BIRC6: variants seen among roughly 807,000 people sequenced by gnomAD.
BIRC6 encodes the protein baculoviral IAP repeat containing 6.
A neutral mutation model predicts 503.3 loss-of-function variants in BIRC6; 98 were observed. That is an observed-to-expected ratio of 0.19 (90% CI 0.17 to 0.23). The LOEUF is 0.23. Ranked by LOEUF, BIRC6 falls within the 10% of genes least tolerant of loss-of-function variation. The pLI is 1.00. For synonymous variants in BIRC6, 2,240 were observed against 2,078.7 expected, an observed-to-expected ratio of 1.08 and a Z score of -2.11; for missense variants, 5,360 against 5,806.0, an observed-to-expected ratio of 0.92 and a Z score of 2.50.
At chr2:32,492,207 A>G (rs1462230198) in intron 44 of BIRC6, among the ~76,000 whole-genome samples, 2 of 152,032 alleles carry the variant, frequency 1.3e-5, no homozygotes, top group Non-Finnish European at 2.9e-5. Flanking sequence ...GATAAATTCT[A>G]ATTTAGTTGT....
intron 10 of BIRC6, among the ~76,000 whole-genome samples, chr2:32,422,757 T>G (rs1394981947): frequency 1.3e-5 from 2 of 152,194 alleles, no homozygotes; most frequent in Non-Finnish European, 2.9e-5. Context: ...GTTTTAAGAT[T>G]ACCCATTTTG....
At chr2:32,600,969 G>A (rs534226043) in intron 70 of BIRC6, among the ~76,000 whole-genome samples, 1 of 152,190 alleles carries the variant, frequency 6.6e-6, no homozygotes, top group Middle Eastern at 3.4e-3. Context: ...ACAAAAATTC[G>A]CTAACACAAA....
At position 32,380,140 on chromosome 2, in the gene BIRC6, A is replaced by G; in HGVS notation, c.508-13A>G. ...ATTTTCTGTGATTTTTTTATTTTTT[A>G]TTTTTTATTTAGGCACAGCAGCTCT... is the stretch of plus-strand genomic sequence containing the variant. On this transcript the variant is annotated splice_polypyrimidine_tract_variant and intron_variant, in intron 2 of 73. Coordinates refer to ENST00000421745, the MANE Select transcript of BIRC6 (RefSeq NM_016252.4). 7 of 1,469,310 alleles carry G rather than the reference A, an allele frequency of 4.8e-6. No homozygotes were observed. Among genetic ancestry groups the G allele is most frequent in the Non-Finnish European group, 6.3e-6 (7 of 1,110,924 alleles). 91.0% of individuals were successfully genotyped at this position (1,469,310 alleles called of 1,614,324 possible).
intron 22 of BIRC6, among the ~76,000 whole-genome samples, chr2:32,452,762 A>C (rs1012501760): frequency 7.2e-5 from 11 of 152,132 alleles, no homozygotes; most frequent in African/African-American, 2.7e-4. Context: ...GCTTAAAAAA[A>C]AGTTGCGTTA....
At chr2:32,464,435 T>G in intron 24 of BIRC6, 74 bp from the exon 25 acceptor site, 2 of 1,413,644 alleles carry the variant, frequency 1.4e-6, no homozygotes, top group Non-Finnish European at 1.9e-6. Context: ...TCATAATATA[T>G]GTCCATGTGG....
At chr2:32,559,469 T>A (rs2059006224) in intron 65 of BIRC6, among the ~76,000 whole-genome samples, 1 of 151,980 alleles carries the variant, frequency 6.6e-6, no homozygotes, top group Non-Finnish European at 1.5e-5. Context: ...CATCTAAGGG[T>A]TTTCTGATGA....
At chr2:32,484,404 AT>A in intron 39 of BIRC6, among the ~76,000 whole-genome samples, 1 of 152,162 alleles carries the variant, frequency 6.6e-6, no homozygotes, top group South Asian at 2.1e-4. Flanking sequence ...ATATAAAAAA[AT>A]TAGCCAGACA....
chr2:32,469,977 A>G (rs183145326), intron 30 of BIRC6, among the ~76,000 whole-genome samples, 191 bp from the exon 31 acceptor site: 8 of 152,328 alleles, frequency 5.3e-5, no homozygotes, highest in Admixed American at 2.6e-4. Context: ...TGTAACCAGT[A>G]GTTAGAAAAA....
intron 18 of BIRC6, 34 bp downstream of exon 18, chr2:32,442,260 T>G: frequency 6.2e-7 from 1 of 1,605,044 alleles, no homozygotes; most frequent in African/African-American, 1.3e-5. Flanking sequence ...CCACTGTTGA[T>G]TGCCTTTTAG....
intron 50 of BIRC6, among the ~76,000 whole-genome samples, chr2:32,506,201 C>G (rs183945248): frequency 3.3e-4 from 50 of 152,166 alleles, no homozygotes; most frequent in Admixed American, 9.2e-4. Context: ...ATAATTTTGC[C>G]AGAATTGTTT....
chr2:32,497,153 T>TTCA (rs1436994926), intron 45 of BIRC6, among the ~76,000 whole-genome samples: 1 of 152,220 alleles, frequency 6.6e-6, no homozygotes, highest in Non-Finnish European at 1.5e-5. Flanking sequence ...TGTTTCTTCT[T>TTCA]TCATCTGTTC....
chr2:32,564,186 G>A (rs1225491087), intron 65 of BIRC6: 1 of 152,164 alleles, frequency 6.6e-6, no homozygotes, highest in Non-Finnish European at 1.5e-5. Flanking sequence ...CTTATATAGA[G>A]TTGCCTTTTC....
At chr2:32,421,171 AT>A (rs2042918952) in intron 10 of BIRC6, among the ~76,000 whole-genome samples, 1 of 145,244 alleles carries the variant, frequency 6.9e-6, no homozygotes, top group Non-Finnish European at 1.5e-5. Flanking sequence ...CAGTGGCTCG[AT>A]CTTGGCTAAC....
At chr2:32,526,344 T>C (rs910839144) in intron 59 of BIRC6, among the ~76,000 whole-genome samples, 7 of 152,224 alleles carry the variant, frequency 4.6e-5, no homozygotes, top group African/African-American at 1.4e-4. Context: ...TTTCCCACGA[T>C]GCCCCACATG....
intron 49 of BIRC6, among the ~76,000 whole-genome samples, chr2:32,504,016 C>CG (rs1558912463): frequency 5.1e-5 from 3 of 58,778 alleles, no homozygotes; most frequent in Non-Finnish European, 6.0e-5. Context: ...CACACTGGGG[C>CG]GGGGGGTGGG....
Position 32,513,094 on chromosome 2 carries a change from A to G in BIRC6, c.10508A>G (p.His3503Arg). Reference sequence around the variant, plus strand: ...CACTGTGTAGCAGCCATTCTGTGGCATAGTTATGAGCTGCTTGTAGAATAT... The same window carrying G: ...CACTGTGTAGCAGCCATTCTGTGGCGTAGTTATGAGCTGCTTGTAGAATAT... ...HLHCVAAILW[H>R]SYELLVEYDL... is the part of the protein sequence containing the mutation. The change falls in exon 54 of 74, where the codon CAT (histidine) becomes CGT (arginine). Residue 3503 changes from histidine to arginine, a missense_variant. Physicochemically the swap from His to Arg is conservative, Grantham distance 29 (BLOSUM62 0). Transcript: ENST00000421745. The G allele has an allele frequency of 1.1e-5, 17 of 1,613,912 alleles. No homozygotes were observed. The highest frequency in any genetic ancestry group is 1.4e-5 in the Non-Finnish European group (17 of 1,179,856).
At chr2:32,579,155 T>G (rs1181099978) in intron 66 of BIRC6, among the ~76,000 whole-genome samples, 1 of 151,112 alleles carries the variant, frequency 6.6e-6, no homozygotes, top group African/African-American at 2.4e-5. Context: ...ATGATTTTCA[T>G]TGAAATGATG....
rs2040601381 is a variant in BIRC6 at position 32,401,616 on chromosome 2, G to A, written c.1411G>A (p.Gly471Arg). 2 of 1,612,070 alleles carry A rather than the reference G, an allele frequency of 1.2e-6. No homozygotes were observed. Among genetic ancestry groups the A allele is most frequent in the Non-Finnish European group, 1.7e-6 (2 of 1,179,474 alleles). ...TTGCTCAGATATACCAAAATTGGAA[G>A]GAGATAGGTATGTGAGTTTGTTTTA... ...SSCSDIPKLE[G>R]DSDDLLEDSD... Residue 471 changes from glycine (G) to arginine (R), a missense_variant, in exon 8 of 74, where the codon GGA becomes AGA. Transcript: ENST00000421745.
intron 9 of BIRC6, among the ~76,000 whole-genome samples, chr2:32,407,785 A>T (rs915751323): frequency 6.6e-6 from 1 of 152,180 alleles, no homozygotes; most frequent in African/African-American, 2.4e-5. Context: ...AACAAAAAAA[A>T]TCACCAAATA....
Sources: allele counts gnomAD v4.1 joint callset (sites outside exome capture counted in the v4.1 genomes callset), GRCh38; gene constraint gnomAD v4.1.1; transcripts MANE v1.5; gene names NCBI Gene and HGNC (gene_info 2026-07-23, HGNC 2026-07-21).